The following PLXNA2 variants were observed in gnomAD, a reference collection of about 807,000 sequenced individuals.
The protein encoded by PLXNA2 is plexin-A2.
In PLXNA2, 91 loss-of-function variants were observed where a neutral mutation model predicts 193.5. The ratio of observed to expected loss-of-function variants is 0.47; its 90% confidence interval spans 0.40 to 0.56. The LOEUF (loss-of-function observed/expected upper bound fraction) is 0.56. Ranked by LOEUF, PLXNA2 falls within the 20% of genes least tolerant of loss-of-function variation. PLXNA2 has a pLI of 0.00. For synonymous variants in PLXNA2, 997 were observed against 1,027.3 expected (o/e 0.97, Z 0.56); for missense variants, 1,995 against 2,503.2 (o/e 0.80, Z 4.33).
chr1:208,155,365 G>A (rs992943012), intron 3 of PLXNA2, among the ~76,000 whole-genome samples: 2 of 152,126 alleles, frequency 1.3e-5, no homozygotes, highest in Admixed American at 6.5e-5. Flanking sequence ...AAGGCAGCTC[G>A]GGGCAAACCT....
chr1:208,053,970 A>G (rs1476514961), intron 14 of PLXNA2, among the ~76,000 whole-genome samples: 3 of 152,356 alleles, frequency 2.0e-5, no homozygotes, highest in East Asian at 3.9e-4. Flanking sequence ...TGACTCTTCT[A>G]AACTCCCACT....
At chr1:208,054,348 T>C in intron 14 of PLXNA2, 73 bp downstream of exon 14, 3 of 1,020,900 alleles carry the variant, frequency 2.9e-6, no homozygotes, top group Non-Finnish European at 4.6e-6. Context: ...GAGTGGGGGC[T>C]TCCTGGGAGG....
At chr1:208,060,908 C>A in intron 12 of PLXNA2, 71 bp from the exon 13 acceptor site, 1 of 1,465,492 alleles carries the variant, frequency 6.8e-7, no homozygotes, top group Non-Finnish European at 9.4e-7. Context: ...CCTTCCCCCT[C>A]CCCCAGGGAG....
chr1:208,145,696 C>T (rs1051000055), intron 3 of PLXNA2, among the ~76,000 whole-genome samples: 1 of 152,172 alleles, frequency 6.6e-6, no homozygotes, highest in African/African-American at 2.4e-5. Context: ...CTGCTGCATT[C>T]GGTCAGGACC....
intron 1 of PLXNA2, among the ~76,000 whole-genome samples, chr1:208,219,297 G>T (rs574961858): frequency 6.6e-6 from 1 of 152,144 alleles, no homozygotes; most frequent in South Asian, 2.1e-4. Context: ...GCAGAGCCTG[G>T]AGGTCAGAGA....
intron 22 of PLXNA2, 52 bp from the exon 23 acceptor site, chr1:208,040,110 G>T: frequency 2.1e-6 from 3 of 1,458,124 alleles, no homozygotes; most frequent in Non-Finnish European, 2.9e-6. Context: ...GGGTCTCCGT[G>T]GTGGGGCCTG....
chr1:208,217,682 C>G lies in PLXNA2; in HGVS notation c.241G>C (p.Val81Leu). 1.2e-6 allele frequency: 2 copies of G among 1,614,194 alleles called. No individual in the cohort carries two copies. The highest frequency in any genetic ancestry group is 2.2e-5 in the East Asian group (1 of 44,872). ...TCTTCTGGCCCTGTCTTATGAGCCACCTGGATGGTCAGGTTGCCTGTCAGC... is the reference window on the plus strand; with the variant it reads ...TCTTCTGGCCCTGTCTTATGAGCCAGCTGGATGGTCAGGTTGCCTGTCAGC... The part of the protein sequence containing the change: ...YKLTGNLTIQ[V>L]AHKTGPEEDN... Residue 81 changes from valine to leucine, a missense_variant, in exon 2 of 32, where the codon GTG becomes CTG. Val to Leu is a conservative substitution (Grantham distance 32). Coordinates refer to ENST00000367033, the MANE Select transcript of PLXNA2 (RefSeq NM_025179.4). This position sits in a 1 kb window ranked among gnomAD's most constrained non-coding sequence, Gnocchi z 4.7.
chr1:208,116,649 A>G (rs1391275127), intron 4 of PLXNA2, among the ~76,000 whole-genome samples: 1 of 151,980 alleles, frequency 6.6e-6, no homozygotes, highest in African/African-American at 2.4e-5. Context: ...CACATACTCA[A>G]CTGTACCGGG....
intron 4 of PLXNA2, among the ~76,000 whole-genome samples, chr1:208,121,889 C>T (rs752032872): frequency 1.1e-4 from 16 of 152,124 alleles, no homozygotes; most frequent in South Asian, 2.1e-4. Context: ...ACACCATGCA[C>T]GAACTTCACA....
chr1:208,030,248 G>A, intron 29 of PLXNA2: 1 of 985,496 alleles, frequency 1.0e-6, no homozygotes, highest in Non-Finnish European at 1.2e-6. Context: ...ATCTTTCCCT[G>A]GACATTTGCT....
chr1:208,086,198 C>T (rs1409697898), intron 9 of PLXNA2, among the ~76,000 whole-genome samples: 1 of 152,164 alleles, frequency 6.6e-6, no homozygotes, highest in East Asian at 1.9e-4. Flanking sequence ...TCTTACTCAC[C>T]TCCATCTCCC....
chr1:208,229,330 G>T (rs968273344), intron 1 of PLXNA2, among the ~76,000 whole-genome samples: 1 of 152,146 alleles, frequency 6.6e-6, no homozygotes, highest in Admixed American at 6.5e-5. Context: ...TGAATTAGAG[G>T]CTCTTTGAAG....
chr1:208,153,407 G>A (rs974977565), intron 3 of PLXNA2, among the ~76,000 whole-genome samples: 1 of 152,110 alleles, frequency 6.6e-6, no homozygotes, highest in African/African-American at 2.4e-5. Context: ...CTAGGCCTCT[G>A]TTTTTCCATC....
chr1:208,124,317 T>C (rs1455308671), intron 4 of PLXNA2, among the ~76,000 whole-genome samples: 1 of 152,180 alleles, frequency 6.6e-6, no homozygotes. Flanking sequence ...CAAATTCCCA[T>C]GACCCGAGTT....
chr1:208,216,856 C>T lies in PLXNA2; in HGVS notation c.1067G>A (p.Cys356Tyr). The change falls in exon 2 of 32, where the codon TGT (cysteine) becomes TAT (tyrosine). Residue 356 changes from cysteine (C) to tyrosine (Y), a missense_variant. Cys to Tyr is a radical substitution (Grantham distance 194). This residue lies in a region of PLXNA2 where 702 missense variants were observed against 812.9 expected (regional missense o/e 0.86). Transcript: ENST00000367033. ...GTTGATGGCCCGGATAGGGAAGGCA[C>T]ACAGGGCAGAGTCATCGGGCGGGTG... ...YHHPPDDSALCAFPIRAINLQ... is the reference protein window; with the variant it reads ...YHHPPDDSALYAFPIRAINLQ... The T allele has an allele frequency of 1.9e-6, 3 of 1,614,238 alleles. No individual in the cohort carries two copies. The highest frequency in any genetic ancestry group is 2.5e-6 in the Non-Finnish European group (3 of 1,180,044).
At chr1:208,043,298 C>G in intron 20 of PLXNA2, 95 bp from the exon 21 acceptor site, 1 of 1,215,794 alleles carries the variant, frequency 8.2e-7, no homozygotes, top group South Asian at 1.4e-5. Flanking sequence ...AGGGGAGGAC[C>G]TTTTGTAGAG....
chr1:208,028,810 G>C lies in PLXNA2; in HGVS notation c.5438+20C>G. 2 of 1,608,226 alleles carry C rather than the reference G, an allele frequency of 1.2e-6. No individual in the cohort carries two copies. Among genetic ancestry groups the C allele is most frequent in the African/African-American group, 2.7e-5 (2 of 74,932 alleles). ...GGCAGGGAGACAAGGGCATGGGCCT[G>C]TCCTGAGGGTGCTACTGACCTCTCC... On this transcript the variant is annotated intron_variant, in intron 30 of 31. Transcript: ENST00000367033. The surrounding 1 kb of genome is among the most constrained non-coding windows in gnomAD (Gnocchi z 4.2).
intron 2 of PLXNA2, among the ~76,000 whole-genome samples, chr1:208,213,290 C>T (rs1462454779): frequency 6.6e-6 from 1 of 152,086 alleles, no homozygotes; most frequent in African/African-American, 2.4e-5. Context: ...TACTTTTGCT[C>T]AAATGGTGAG....
intron 9 of PLXNA2, among the ~76,000 whole-genome samples, chr1:208,085,126 G>A (rs550595022): frequency 2.6e-5 from 4 of 150,980 alleles, no homozygotes; most frequent in Admixed American, 1.3e-4. Context: ...CAGGCCCTGC[G>A]TGAATGCCAT....
Sources: gnomAD v4.1 joint callset for allele counts (sites outside exome capture counted in the v4.1 genomes callset) on GRCh38, gnomAD v4.1.1 for gene constraint, gnomAD v4.1.1 regional missense constraint, Gnocchi (gnomAD v3.1) non-coding constraint, MANE v1.5 for transcripts, NCBI Gene and HGNC (gene_info 2026-07-23, HGNC 2026-07-21) for gene names.